TAF4: variants seen among roughly 807,000 people sequenced by gnomAD.
TAF4 encodes the protein transcription initiation factor TFIID subunit 4.
A neutral mutation model predicts 90.3 loss-of-function variants in TAF4; 9 were observed. The ratio of observed to expected loss-of-function variants is 0.10; its 90% CI spans 0.06 to 0.17. The LOEUF (loss-of-function observed/expected upper bound fraction) is 0.17. Ranked by LOEUF, TAF4 falls within the 10% of genes least tolerant of loss-of-function variation. TAF4 has a pLI of 1.00. For synonymous variants in TAF4, 818 were observed against 638.9 expected (o/e 1.28, Z -4.23); for missense variants, 1,351 against 1,370.7 (o/e 0.99, Z 0.23).
Position 62,009,004 on chromosome 20 carries a change from A to G in TAF4, c.1884+48T>C, listed in dbSNP as rs200894897. 50 of 1,596,126 alleles carry G rather than the reference A, an allele frequency of 3.1e-5. No individual in the cohort carries two copies. The African/African-American group carries it at 5.7e-4, about 18-fold the overall frequency. ...CACAGCAGCAACAGGTGTCTGTCCT[A>G]TGCAACAGGCTTTAGGGGAAAGGGA... On this transcript the variant is annotated intron_variant, in intron 5 of 14. Coordinates refer to ENST00000252996, the MANE Select transcript of TAF4 (RefSeq NM_003185.4).
intron 9 of TAF4, among the ~76,000 whole-genome samples, chr20:62,001,303 G>A (rs959960188): frequency 2.6e-5 from 4 of 152,160 alleles, no homozygotes; most frequent in East Asian, 3.9e-4. Context: ...CTCCCTGCAG[G>A]ACAGTCTGCA....
chr20:62,047,892 C>T (rs535041830), intron 1 of TAF4, among the ~76,000 whole-genome samples: 4 of 152,320 alleles, frequency 2.6e-5, no homozygotes, highest in South Asian at 2.1e-4. Flanking sequence ...CACCAGCACC[C>T]GGGATTCCTC....
At chr20:62,020,344 C>G (rs1160302000) in intron 1 of TAF4, among the ~76,000 whole-genome samples, 6 of 152,234 alleles carry the variant, frequency 3.9e-5, no homozygotes, top group Non-Finnish European at 2.9e-5. Context: ...CTACAGGACT[C>G]TCTGGCACAA....
intron 1 of TAF4, among the ~76,000 whole-genome samples, chr20:62,042,357 A>G (rs1414065108): frequency 2.0e-5 from 3 of 152,208 alleles, no homozygotes; most frequent in African/African-American, 7.2e-5. Flanking sequence ...CCATCACTCA[A>G]TAAAATCCCC....
intron 1 of TAF4, among the ~76,000 whole-genome samples, chr20:62,036,045 AAG>A (rs1405149686): frequency 1.3e-5 from 2 of 151,030 alleles, no homozygotes; most frequent in African/African-American, 2.5e-5. Context: ...AAAAAAAAAA[AAG>A]AGTTTTGCTC....
Position 62,006,256 on chromosome 20 carries a change from A to G in TAF4, c.2223+254T>C. ...ATTTACACCAGTAACATCCCCAGACAAGGCAGGGCGGGGACGTGCCGGTGG... is the reference window on the plus strand; with the variant it reads ...ATTTACACCAGTAACATCCCCAGACGAGGCAGGGCGGGGACGTGCCGGTGG... On this transcript the variant is annotated intron_variant, in intron 7 of 14. Transcript: ENST00000252996. This position sits in a 1 kb window ranked among gnomAD's most constrained non-coding sequence, Gnocchi z 7.0. 1 of 402,524 alleles carries G rather than the reference A, an allele frequency of 2.5e-6. No individual in the cohort carries two copies. 24.9% of individuals were successfully genotyped at this position (402,524 alleles called of 1,614,324 possible).
chr20:62,060,642 C>A (rs537983747), intron 1 of TAF4, among the ~76,000 whole-genome samples: 3 of 152,322 alleles, frequency 2.0e-5, no homozygotes, highest in Admixed American at 1.3e-4. Context: ...CCCAAAAGTT[C>A]TTTTTCTTTG....
At chr20:62,047,867 G>A (rs1421844291) in intron 1 of TAF4, among the ~76,000 whole-genome samples, 1 of 152,188 alleles carries the variant, frequency 6.6e-6, no homozygotes, top group African/African-American at 2.4e-5. Flanking sequence ...GAAGCCGCAG[G>A]TCTATTTTTA....
chr20:61,984,332 G>A (rs2055569389), intron 14 of TAF4, among the ~76,000 whole-genome samples: 1 of 152,142 alleles, frequency 6.6e-6, no homozygotes, highest in South Asian at 2.1e-4. Context: ...AGGGGGACTT[G>A]GCAAAACCTA....
chr20:62,057,008 C>T (rs1296023534), intron 1 of TAF4, among the ~76,000 whole-genome samples: 37 of 152,284 alleles, frequency 2.4e-4, no homozygotes, highest in Admixed American at 2.3e-3. Flanking sequence ...CTCTGAGCAC[C>T]GTGCGTGGCT....
intron 14 of TAF4, among the ~76,000 whole-genome samples, chr20:61,991,375 G>T (rs1454444497): frequency 1.3e-5 from 2 of 152,000 alleles, no homozygotes; most frequent in African/African-American, 4.8e-5. Flanking sequence ...ATCACACCGA[G>T]ATAGAGCCAC....
At chr20:62,014,019 G>GGGGT (rs1555875764) in intron 2 of TAF4, among the ~76,000 whole-genome samples, 1 of 126,450 alleles carries the variant, frequency 7.9e-6, no homozygotes, top group Non-Finnish European at 1.6e-5. Flanking sequence ...CGGGGGTGTG[G>GGGGT]GTGTGTGTGT....
Position 62,003,776 on chromosome 20 carries a change from T to C in TAF4, c.2326A>G (p.Met776Val), listed in dbSNP as rs754812307. The change falls in exon 8 of 15, where the codon ATG (methionine) becomes GTG (valine). Residue 776 changes from methionine to valine, a missense_variant. By Grantham distance (21) the Met-to-Val change is conservative (BLOSUM62 1). This residue lies in a region of TAF4 where 202 missense variants were observed against 229.7 expected (regional missense o/e 0.88). Coordinates refer to ENST00000252996, the MANE Select transcript of TAF4 (RefSeq NM_003185.4). ...TGGATCTGCTGAGGCGTGGTGAGCA[T>C]GATCCGGTTGTGAGGCTGCCGCAGG... is the stretch of plus-strand genomic sequence containing the variant. ...VALRQPHNRIMLTTPQQIQLN... is the reference protein window; with the variant it reads ...VALRQPHNRIVLTTPQQIQLN... The C allele has an allele frequency of 4.4e-6, 7 of 1,608,658 alleles. No homozygotes were observed. The highest frequency in any genetic ancestry group is 1.1e-5 in the South Asian group (1 of 90,826).
intron 1 of TAF4, among the ~76,000 whole-genome samples, chr20:62,016,502 T>C (rs974927811): frequency 3.9e-5 from 6 of 152,210 alleles, no homozygotes; most frequent in Admixed American, 2.6e-4. Context: ...CTTCCTGCCC[T>C]GGAACTTCAG....
At chr20:62,005,173 C>T (rs926355068) in intron 7 of TAF4, 1 of 152,228 alleles carries the variant, frequency 6.6e-6, no homozygotes, top group African/African-American at 2.4e-5. Context: ...CCCTGCGGCG[C>T]AGGGAACCTG....
chr20:62,008,805 C>T (rs558531192), intron 5 of TAF4: 22 of 387,454 alleles, frequency 5.7e-5, no homozygotes, highest in African/African-American at 4.4e-4. Flanking sequence ...ACGCAGGCAC[C>T]AGAAAACGGC....
At chr20:61,976,909 G>A (rs2055498091) in intron 14 of TAF4, among the ~76,000 whole-genome samples, 1 of 152,218 alleles carries the variant, frequency 6.6e-6, no homozygotes, top group East Asian at 1.9e-4. Context: ...CCCTACAGGT[G>A]ACCAGGTGTC....
intron 14 of TAF4, among the ~76,000 whole-genome samples, chr20:61,985,968 G>GATCAAAGGAAA (rs1568922343): frequency 2.0e-5 from 2 of 101,896 alleles, no homozygotes; most frequent in East Asian, 5.1e-4. Context: ...ACCAAAGGAA[G>GATCAAAGGAAA]CACCATCCCC....
intron 1 of TAF4, among the ~76,000 whole-genome samples, chr20:62,035,222 T>G (rs2055925952): frequency 6.6e-6 from 1 of 152,152 alleles, no homozygotes; most frequent in African/African-American, 2.4e-5. Flanking sequence ...ATTCTAAAAT[T>G]TATAAGGAAG....
Sources: allele counts gnomAD v4.1 joint callset (sites outside exome capture counted in the v4.1 genomes callset), GRCh38; gene constraint gnomAD v4.1.1; regional missense constraint gnomAD v4.1.1; non-coding constraint Gnocchi (gnomAD v3.1); transcripts MANE v1.5; gene names NCBI Gene and HGNC (gene_info 2026-07-23, HGNC 2026-07-21).